The following INVS variants were observed in gnomAD, a reference collection of about 807,000 sequenced individuals.
The protein encoded by INVS is inversin.
A neutral mutation model predicts 108.8 loss-of-function variants in INVS; 86 were observed. The observed-to-expected ratio is 0.79, with a 90% CI of 0.66 to 0.95. The LOEUF (loss-of-function observed/expected upper bound fraction) is 0.95, where lower values mean the gene tolerates loss of function less well. INVS is among the 40% of genes least tolerant of loss of function. The probability of loss-of-function intolerance (pLI) is 0.00; values close to 1 mark genes in which losing one functional copy is unlikely to be tolerated. For synonymous variants in INVS, 455 were observed against 473.5 expected, an observed-to-expected ratio of 0.96 and a Z score of 0.51; for missense variants, 1,169 against 1,297.4, an observed-to-expected ratio of 0.90 and a Z score of 1.52.
chr9:100,209,116 A>C (rs1307584528), intron 3 of INVS, among the ~76,000 whole-genome samples: 1 of 152,182 alleles, frequency 6.6e-6, no homozygotes, highest in East Asian at 1.9e-4. Flanking sequence ...GATCCCCTAA[A>C]GCGAACATCA....
chr9:100,232,109 A>G (rs781537022), intron 5 of INVS, among the ~76,000 whole-genome samples: 2 of 152,058 alleles, frequency 1.3e-5, no homozygotes, highest in Non-Finnish European at 2.9e-5. Flanking sequence ...ATGACCAGTG[A>G]TGATGAGCTT....
chr9:100,200,976 T>C (rs927339965), intron 3 of INVS, among the ~76,000 whole-genome samples: 4 of 152,250 alleles, frequency 2.6e-5, no homozygotes, highest in African/African-American at 2.4e-5. Context: ...ATGTAACAAA[T>C]AGTCAATGAG....
intron 8 of INVS, among the ~76,000 whole-genome samples, chr9:100,251,817 A>C (rs1832248113): frequency 6.6e-6 from 1 of 152,218 alleles, no homozygotes; most frequent in Admixed American, 6.5e-5. Flanking sequence ...CTGAAGGAAC[A>C]GTGCATGTAA....
rs1002837979 is a variant in INVS, at chr9:100,284,501, A to C, written c.1966A>C (p.Arg656=). 1 of 1,614,136 alleles carries C rather than the reference A, an allele frequency of 6.2e-7. No individual in the cohort carries two copies. The highest frequency in any genetic ancestry group is 1.1e-5 in the South Asian group (1 of 91,078). Residue 656 remains arginine, a synonymous_variant, in exon 13 of 17, where the codon AGA becomes CGA. Transcript: ENST00000262457. ...CAACGTGGCCCAAGGCCCTGAGCCAAGAGACAGCAGAGGATCTCCAGGAGG... is the reference window on the plus strand; with the variant it reads ...CAACGTGGCCCAAGGCCCTGAGCCACGAGACAGCAGAGGATCTCCAGGAGG... ...AGNVAQGPEP[R]DSRGSPGGSL... is the part of the protein sequence containing the mutation.
At chr9:100,251,404 G>C (rs1311696327) in intron 8 of INVS, among the ~76,000 whole-genome samples, 1 of 152,230 alleles carries the variant, frequency 6.6e-6, no homozygotes, top group Non-Finnish European at 1.5e-5. Flanking sequence ...AACCTATAGA[G>C]GGATGGCATA....
chr9:100,133,804 C>CACACACACACAT (rs968843499), intron 3 of INVS, among the ~76,000 whole-genome samples: 3 of 143,632 alleles, frequency 2.1e-5, no homozygotes, highest in East Asian at 3.9e-4. Flanking sequence ...CACACACACA[C>CACACACACACAT]ATACACACAT....
chr9:100,105,928 A>G (rs1460348619), intron 2 of INVS, among the ~76,000 whole-genome samples: 2 of 128,280 alleles, frequency 1.6e-5, no homozygotes, highest in Non-Finnish European at 3.1e-5. Context: ...TACCAAACCT[A>G]TCTTGCTAAG....
intron 3 of INVS, among the ~76,000 whole-genome samples, chr9:100,196,054 G>A (rs536040640): frequency 8.5e-5 from 13 of 152,264 alleles, no homozygotes; most frequent in African/African-American, 3.1e-4. Context: ...AGACTGGTAA[G>A]ATTGGAATTA....
At chr9:100,257,512 T>A (rs962457411) in intron 10 of INVS, among the ~76,000 whole-genome samples, 20 of 152,252 alleles carry the variant, frequency 1.3e-4, no homozygotes, top group Non-Finnish European at 2.1e-4. Context: ...TCGATGGTCT[T>A]TACAATTTGG....
chr9:100,207,056 T>C (rs1830694820), intron 3 of INVS, among the ~76,000 whole-genome samples: 1 of 152,194 alleles, frequency 6.6e-6, no homozygotes, highest in African/African-American at 2.4e-5. Flanking sequence ...TTTGGATTAT[T>C]CACTTGAATA....
At chr9:100,129,773 C>A in intron 3 of INVS, 1 of 651,146 alleles carries the variant, frequency 1.5e-6, no homozygotes, top group Non-Finnish European at 2.8e-6. Flanking sequence ...CTGGCCTTTT[C>A]CTTTATGACA....
intron 9 of INVS, 107 bp downstream of exon 9, chr9:100,252,545 G>A: frequency 3.0e-6 from 3 of 1,012,638 alleles, no homozygotes; most frequent in Non-Finnish European, 4.5e-6. Flanking sequence ...ACAAGTACAA[G>A]GATGAAGGGA....
chr9:100,100,944 ATAC>A (rs1193040163), intron 1 of INVS, among the ~76,000 whole-genome samples: 1 of 36,738 alleles, frequency 2.7e-5, no homozygotes, highest in Non-Finnish European at 4.2e-5. Context: ...TATAATATAT[ATAC>A]ATATATATTA....
intron 3 of INVS, among the ~76,000 whole-genome samples, chr9:100,139,358 GC>G (rs1828344747): frequency 6.6e-6 from 1 of 151,928 alleles, no homozygotes; most frequent in South Asian, 2.1e-4. Context: ...TCCCATTTCT[GC>G]CCCAAGATAA....
In INVS at chr9:100,272,887, T is replaced by G; in HGVS notation, c.1595T>G (p.Leu532Trp). The G allele has an allele frequency of 6.2e-7, 1 of 1,614,134 alleles. No homozygotes were observed. Among genetic ancestry groups the G allele is most frequent in the East Asian group, 2.2e-5 (1 of 44,880 alleles). Residue 532 changes from leucine to tryptophan, a missense_variant, in exon 12 of 17, where the codon TTG (leucine) becomes TGG (tryptophan). Coordinates refer to ENST00000262457, the MANE Select transcript of INVS (RefSeq NM_014425.5). ...AGATACACACCCCTTGATTATGCTT[T>G]GCTTGGTGAGCGCCATGAAGTGATC... ...EERYTPLDYA[L>W]LGERHEVIQF...
intron 3 of INVS, among the ~76,000 whole-genome samples, chr9:100,189,806 T>G (rs1470176628): frequency 1.3e-5 from 2 of 152,036 alleles, no homozygotes; most frequent in South Asian, 2.1e-4. Flanking sequence ...GCCAGGTTGG[T>G]CTTGAACTCC....
In INVS at chr9:100,264,943, A is replaced by AAT; in HGVS notation, c.1571+15_1571+16insAT. 1.4e-6 allele frequency: 2 copies of AAT among 1,463,480 alleles called. No homozygotes were observed. Among genetic ancestry groups the AAT allele is most frequent in the Non-Finnish European group, 1.9e-6 (2 of 1,069,398 alleles). 90.7% of individuals were successfully genotyped at this position (1,463,480 alleles called of 1,614,324 possible). A position where few individuals can be genotyped will look rare whatever the true frequency, so the allele number is the denominator to read the frequency against. On this transcript the variant is annotated intron_variant, in intron 11 of 16. Transcript: ENST00000262457. ...AATGAAGAGAGGTAAGTTGTTGTTG[A>AAT]CTTTTTTTTTTTTTTTTGAGATGGC... is the stretch of plus-strand genomic sequence containing the variant.
intron 3 of INVS, among the ~76,000 whole-genome samples, chr9:100,149,280 A>G (rs1419387461): frequency 6.6e-6 from 1 of 152,314 alleles, no homozygotes; most frequent in African/African-American, 2.4e-5. Flanking sequence ...TGCTTCCAAA[A>G]GAAGGCACCA....
chr9:100,240,288 G>A, intron 6 of INVS, 48 bp downstream of exon 6: 1 of 1,412,066 alleles, frequency 7.1e-7, no homozygotes, highest in East Asian at 2.3e-5. Flanking sequence ...ATGAGTATAG[G>A]AATATTTCTG....
Sources: allele counts gnomAD v4.1 joint callset (sites outside exome capture counted in the v4.1 genomes callset), GRCh38; gene constraint gnomAD v4.1.1; transcripts MANE v1.5; gene names NCBI Gene and HGNC (gene_info 2026-07-23, HGNC 2026-07-21).